LRRC36: variants seen among roughly 807,000 people sequenced by gnomAD.
LRRC36 encodes the protein leucine rich repeat containing 36.
A neutral mutation model predicts 81.1 loss-of-function variants in LRRC36; 62 were observed. The observed-to-expected ratio is 0.76, with a 90% CI of 0.62 to 0.94. LRRC36 has a LOEUF of 0.94. Ranked by LOEUF, LRRC36 falls within the 40% of genes least tolerant of loss-of-function variation. LRRC36 has a pLI of 0.00. For missense variants in LRRC36, 761 were observed against 881.7 expected (o/e 0.86, Z 1.73); for synonymous variants, 334 against 348.6 (o/e 0.96, Z 0.47).
chr16:67,334,941 G>A (rs921744750), intron 1 of LRRC36, among the ~76,000 whole-genome samples: 2 of 152,084 alleles, frequency 1.3e-5, no homozygotes, highest in African/African-American at 2.4e-5. Flanking sequence ...GGGAGTGTAC[G>A]AATAGGGGGT....
intron 1 of LRRC36, chr16:67,336,531 G>A (rs374891182): frequency 6.6e-6 from 1 of 152,058 alleles, no homozygotes; most frequent in Non-Finnish European, 1.5e-5. Context: ...ATTTATAGTG[G>A]TATCTCATTT....
chr16:67,358,040 T>A (rs1567484471), intron 5 of LRRC36, among the ~76,000 whole-genome samples: 1 of 152,194 alleles, frequency 6.6e-6, no homozygotes, highest in Non-Finnish European at 1.5e-5. Flanking sequence ...ATATTTTGTA[T>A]CTGAAGAAAA....
chr16:67,384,036 T>C (rs1244826644), intron 13 of LRRC36, among the ~76,000 whole-genome samples: 2 of 152,252 alleles, frequency 1.3e-5, no homozygotes, highest in African/African-American at 2.4e-5. Flanking sequence ...CTTCTATTGA[T>C]GGACATTTAG....
intron 6 of LRRC36, among the ~76,000 whole-genome samples, chr16:67,364,125 C>T (rs1350831791): frequency 1.3e-5 from 2 of 152,186 alleles, no homozygotes; most frequent in Admixed American, 6.5e-5. Flanking sequence ...TTAGGTATGA[C>T]TTTCCCAAAG....
chr16:67,349,431 C>T (rs920466254), intron 4 of LRRC36, among the ~76,000 whole-genome samples: 4 of 152,098 alleles, frequency 2.6e-5, no homozygotes, highest in African/African-American at 7.2e-5. Context: ...TACATACAGC[C>T]TAGGCTTTGT....
Position 67,375,341 on chromosome 16 carries a change from G to C in LRRC36, c.1589G>C (p.Arg530Thr). Reference sequence around the variant, plus strand: ...ACCCCCCATGTGGCCACTGTCCTCAGACAGCTCCTGGAGCTTGTGGATAAG... The same window carrying C: ...ACCCCCCATGTGGCCACTGTCCTCACACAGCTCCTGGAGCTTGTGGATAAG... ...ARTPHVATVL[R>T]QLLELVDKHW... Residue 530 changes from arginine (R) to threonine (T), a missense_variant, in exon 10 of 14, where the codon AGA (arginine) becomes ACA (threonine). Physicochemically the swap from Arg to Thr is moderately conservative, Grantham distance 71 (BLOSUM62 -1). Transcript: ENST00000329956. The C allele has an allele frequency of 1.2e-6, 2 of 1,611,826 alleles. No individual in the cohort carries two copies. The highest frequency in any genetic ancestry group is 8.5e-7 in the Non-Finnish European group (1 of 1,179,546).
At position 67,347,592 on chromosome 16, in the gene LRRC36, G is replaced by A. The variant is rs1252733939; in HGVS notation, c.488+1G>A. ...ATTTTCTTTTAGAGGTGGAAAAAAGGTAAGAAGATTCTTTACAAAATTTTT... is the reference window on the plus strand; with the variant it reads ...ATTTTCTTTTAGAGGTGGAAAAAAGATAAGAAGATTCTTTACAAAATTTTT... On this transcript the variant is annotated splice_donor_variant, in intron 4 of 13. Coordinates refer to ENST00000329956, the MANE Select transcript of LRRC36 (RefSeq NM_018296.6). LOFTEE classifies it high-confidence loss of function. The A allele has an allele frequency of 6.2e-7, 1 of 1,606,620 alleles. No individual in the cohort carries two copies. The highest frequency in any genetic ancestry group is 8.5e-7 in the Non-Finnish European group (1 of 1,174,020).
intron 10 of LRRC36, 129 bp from the exon 11 acceptor site, chr16:67,376,598 T>C (rs2039904226): frequency 1.1e-6 from 1 of 915,788 alleles, no homozygotes; most frequent in African/African-American, 1.6e-5. Flanking sequence ...TTCTGCCACT[T>C]ACTAAGTTCT....
chr16:67,346,938 G>C (rs543042459), intron 3 of LRRC36, among the ~76,000 whole-genome samples: 1 of 151,870 alleles, frequency 6.6e-6, no homozygotes, highest in South Asian at 2.1e-4. Context: ...GCAGTGGCAC[G>C]ATCTTGGCTC....
intron 9 of LRRC36, among the ~76,000 whole-genome samples, chr16:67,374,299 A>G (rs1053654415): frequency 2.0e-5 from 3 of 151,902 alleles, no homozygotes; most frequent in African/African-American, 7.2e-5. Context: ...AAAATATACT[A>G]TTTTTAAAAT....
rs1427344314 is a variant in LRRC36 at position 67,355,414 on chromosome 16, G to A, written c.577+5124G>A. On this transcript the variant is annotated intron_variant, in intron 5 of 13. Coordinates refer to ENST00000329956, the MANE Select transcript of LRRC36 (RefSeq NM_018296.6). ...TTTTGAGACGGAGTCTCGCTCTGTC[G>A]CCCAGGCTGGAGTGCAGTGGCGGGA... Among the ~76,000 whole-genome samples the A allele has an allele frequency of 4.4e-5, 5 of 114,482 alleles. No homozygotes were observed. In the East Asian group the frequency reaches 8.2e-4, roughly 19 times the overall value. 75.1% of individuals were successfully genotyped at this position (114,482 alleles called of 152,430 possible).
At chr16:67,374,286 T>C (rs1404654253) in intron 9 of LRRC36, among the ~76,000 whole-genome samples, 2 of 151,796 alleles carry the variant, frequency 1.3e-5, no homozygotes, top group Non-Finnish European at 2.9e-5. Context: ...CCATTTGTTT[T>C]ATAAAATATA....
intron 9 of LRRC36, among the ~76,000 whole-genome samples, chr16:67,372,591 T>A (rs1303288714): frequency 1.3e-5 from 2 of 152,036 alleles, no homozygotes; most frequent in African/African-American, 4.8e-5. Flanking sequence ...GCTCTTAGAG[T>A]CTTCTCTTCC....
At chr16:67,384,628 G>A (rs563609652) in intron 13 of LRRC36, among the ~76,000 whole-genome samples, 3 of 152,226 alleles carry the variant, frequency 2.0e-5, no homozygotes, top group South Asian at 2.1e-4. Context: ...CAGAACAACC[G>A]CTAGCTATAT....
Position 67,326,877 on chromosome 16 carries a change from G to A in LRRC36, c.15G>A (p.Trp5Ter). The change falls in exon 1 of 14, where the codon TGG becomes TGA. Residue 5 changes from tryptophan to a stop codon, truncating the protein, a stop_gained. Transcript: ENST00000329956. LOFTEE classifies it high-confidence loss of function. The stretch of plus-strand genomic sequence containing the variant: ...GGCGGGCGGGGATGGCGGAGCAATG[G>A]GAGCTGGACGAGGAAGGCATTCGCC... The part of the protein sequence containing the change: MAEQ[W>*]ELDEEGIRRL... 6.9e-7 allele frequency: 1 copy of A among 1,449,482 alleles called. No individual in the cohort carries two copies. The highest frequency in any genetic ancestry group is 9.0e-7 in the Non-Finnish European group (1 of 1,112,156). The allele number at this position is 1,449,482 out of a possible 1,614,324, so 89.8% of individuals were successfully genotyped here.
chr16:67,379,772 AT>A (rs2040044029), intron 12 of LRRC36, among the ~76,000 whole-genome samples: 1 of 152,172 alleles, frequency 6.6e-6, no homozygotes, highest in Admixed American at 6.6e-5. Flanking sequence ...AGATGCACAC[AT>A]TTTAAGTTTG....
At chr16:67,384,201 G>A (rs1597516308) in intron 13 of LRRC36, among the ~76,000 whole-genome samples, 1 of 152,264 alleles carries the variant, frequency 6.6e-6, no homozygotes, top group East Asian at 1.9e-4. Flanking sequence ...TTGGGAGGCT[G>A]AGACAGGTGG....
intron 5 of LRRC36, chr16:67,362,181 GAGAA>G: frequency 2.2e-6 from 1 of 452,866 alleles, no homozygotes. Context: ...TTTTCTTCCC[GAGAA>G]AGAGTCTTGC....
intron 12 of LRRC36, among the ~76,000 whole-genome samples, chr16:67,380,362 C>T (rs1379608621): frequency 6.6e-6 from 1 of 152,186 alleles, no homozygotes; most frequent in African/African-American, 2.4e-5. Context: ...CCTCTGCCAA[C>T]ACTGGGCATT....
Sources: gnomAD v4.1 joint callset for allele counts (sites outside exome capture counted in the v4.1 genomes callset) on GRCh38, gnomAD v4.1.1 for gene constraint, MANE v1.5 for transcripts, NCBI Gene and HGNC (gene_info 2026-07-23, HGNC 2026-07-21) for gene names.